Variants in NREP observed in about 807,000 individuals in gnomAD.
NREP encodes neuronal regeneration related protein.
A neutral mutation model predicts 8.6 loss-of-function variants in NREP; 5 were observed. The observed-to-expected ratio is 0.58, with a 90% confidence interval of 0.30 to 1.22. The LOEUF (loss-of-function observed/expected upper bound fraction) is 1.22, where lower values mean the gene tolerates loss of function less well. NREP is among the 50% of genes most tolerant of loss of function. The pLI is 0.07. For missense variants in NREP, 86 were observed against 82.5 expected (o/e 1.04, Z -0.17); for synonymous variants, 27 against 28.0 (o/e 0.96, Z 0.11).
chr5:111,843,082 T>C (rs1039304006), intron 2 of NREP, among the ~76,000 whole-genome samples: 2 of 152,194 alleles, frequency 1.3e-5, no homozygotes, highest in African/African-American at 4.8e-5. Flanking sequence ...TAGATGTTCA[T>C]TTCCCACTGC....
At chr5:111,904,697 G>A (rs1400413358) in intron 2 of NREP, among the ~76,000 whole-genome samples, 2 of 152,004 alleles carry the variant, frequency 1.3e-5, no homozygotes, top group African/African-American at 4.8e-5. Flanking sequence ...TGAATTAAAG[G>A]CCCTTGGAGA....
chr5:111,802,880 G>C (rs1752046608), intron 2 of NREP, among the ~76,000 whole-genome samples: 1 of 152,122 alleles, frequency 6.6e-6, no homozygotes, highest in South Asian at 2.1e-4. Flanking sequence ...AGCAAAACTG[G>C]ACCAGATAAT....
At chr5:111,892,638 G>A (rs1038678631) in intron 2 of NREP, among the ~76,000 whole-genome samples, 1 of 151,922 alleles carries the variant, frequency 6.6e-6, no homozygotes, top group Admixed American at 6.6e-5. Context: ...AACAAAAAAA[G>A]GGAGTGAATG....
intron 2 of NREP, among the ~76,000 whole-genome samples, chr5:111,735,883 T>C (rs1260552616): frequency 6.6e-6 from 1 of 152,038 alleles, no homozygotes; most frequent in Admixed American, 6.6e-5. Flanking sequence ...CTGTTAAGGG[T>C]TATTCTGATC....
rs373760147 is a variant in NREP, at chr5:111,770,718, C to T, written c.136-35211G>A. Among the ~76,000 whole-genome samples the T allele has an allele frequency of 3.7e-3, 568 of 151,752 alleles. 2 individuals carry two copies. The highest frequency in any genetic ancestry group is 0.017 in the Middle Eastern group (5 of 294). On this transcript the variant is annotated intron_variant, in intron 2 of 3. Transcript: ENST00000395634. The stretch of plus-strand genomic sequence containing the variant: ...CCGAGTACCCTGGACTACACATGCG[C>T]GCCACCATGCCCAGCTAATTTTTGT...
chr5:111,921,413 C>A (rs1290709623), intron 2 of NREP, among the ~76,000 whole-genome samples: 3 of 152,070 alleles, frequency 2.0e-5, no homozygotes, highest in African/African-American at 7.2e-5. Context: ...ATCTCAGAGG[C>A]CTGATCAGCT....
intron 2 of NREP, among the ~76,000 whole-genome samples, chr5:111,945,294 T>TA (rs1455312673): frequency 3.9e-5 from 6 of 152,068 alleles, no homozygotes; most frequent in Non-Finnish European, 7.4e-5. Context: ...ACTTTTTTTT[T>TA]ATTATACTTT....
intron 2 of NREP, among the ~76,000 whole-genome samples, chr5:111,921,229 G>A (rs1192503576): frequency 6.6e-6 from 1 of 152,106 alleles, no homozygotes; most frequent in African/African-American, 2.4e-5. Flanking sequence ...GCAACAACTT[G>A]TCTAGCTACT....
intron 2 of NREP, among the ~76,000 whole-genome samples, chr5:111,858,660 G>T (rs1753478421): frequency 6.6e-6 from 1 of 152,030 alleles, no homozygotes; most frequent in Admixed American, 6.6e-5. Flanking sequence ...AAAAGAATTT[G>T]GGAGCTAGTA....
chr5:111,826,545 G>C (rs1397793438), intron 2 of NREP, among the ~76,000 whole-genome samples: 1 of 152,180 alleles, frequency 6.6e-6, no homozygotes, highest in East Asian at 1.9e-4. Flanking sequence ...ACATCTGAAG[G>C]AACAAACTCA....
chr5:111,903,325 T>C (rs1399160527), intron 2 of NREP, among the ~76,000 whole-genome samples: 1 of 152,124 alleles, frequency 6.6e-6, no homozygotes, highest in Non-Finnish European at 1.5e-5. Flanking sequence ...CCTCAAGTGA[T>C]CTGCCTGCCT....
chr5:111,955,944 G>A (rs1756304271), intron 2 of NREP, among the ~76,000 whole-genome samples: 1 of 151,092 alleles, frequency 6.6e-6, no homozygotes, highest in East Asian at 1.9e-4. Flanking sequence ...TTTAAGAACA[G>A]GACCTGGAAA....
intron 2 of NREP, among the ~76,000 whole-genome samples, chr5:111,834,700 C>A (rs1178557637): frequency 1.3e-5 from 2 of 152,092 alleles, no homozygotes; most frequent in South Asian, 2.1e-4. Context: ...GGCTGTGGAA[C>A]CTTGGACAGA....
chr5:111,772,772 T>C (rs1003311102), intron 2 of NREP, among the ~76,000 whole-genome samples: 1 of 152,188 alleles, frequency 6.6e-6, no homozygotes, highest in African/African-American at 2.4e-5. Flanking sequence ...TGAAAGATGT[T>C]GTTTTCCTGA....
At chr5:111,812,984 T>C (rs1752303342) in intron 2 of NREP, among the ~76,000 whole-genome samples, 1 of 152,186 alleles carries the variant, frequency 6.6e-6, no homozygotes. Flanking sequence ...GGTTTTAACC[T>C]ACACCAGCAT....
At chr5:111,774,669 A>C (rs925156732) in intron 2 of NREP, among the ~76,000 whole-genome samples, 6 of 152,178 alleles carry the variant, frequency 3.9e-5, no homozygotes, top group African/African-American at 2.4e-5. Flanking sequence ...GCTGACAGCC[A>C]GTAAGGAAAT....
intron 2 of NREP, among the ~76,000 whole-genome samples, chr5:111,780,329 T>C (rs1278500735): frequency 6.6e-6 from 1 of 152,116 alleles, no homozygotes; most frequent in Non-Finnish European, 1.5e-5. Flanking sequence ...CTGAATTATT[T>C]TGCATAAGAA....
intron 2 of NREP, among the ~76,000 whole-genome samples, chr5:111,804,909 G>C (rs979080039): frequency 1.3e-5 from 2 of 152,170 alleles, no homozygotes; most frequent in East Asian, 3.9e-4. Flanking sequence ...GCTGAGGCAG[G>C]AGGATGGCGT....
chr5:111,927,771 G>A (rs1343049912), intron 2 of NREP, among the ~76,000 whole-genome samples: 1 of 151,882 alleles, frequency 6.6e-6, no homozygotes, highest in African/African-American at 2.4e-5. Flanking sequence ...CTTCCTATTT[G>A]CTTCTTTCCT....
Sources: gnomAD v4.1 joint callset for allele counts (sites outside exome capture counted in the v4.1 genomes callset) on GRCh38, gnomAD v4.1.1 for gene constraint, MANE v1.5 for transcripts, NCBI Gene and HGNC (gene_info 2026-07-23, HGNC 2026-07-21) for gene names.